CHUK: variants seen among roughly 807,000 people sequenced by gnomAD.
CHUK encodes the protein component of inhibitor of nuclear factor kappa B kinase complex.
A neutral mutation model predicts 104.8 loss-of-function variants in CHUK; 35 were observed. The ratio of observed to expected loss-of-function variants is 0.33; its 90% CI spans 0.26 to 0.44. The LOEUF (loss-of-function observed/expected upper bound fraction) is 0.44, where lower values mean the gene tolerates loss of function less well. CHUK is among the 20% of genes least tolerant of loss of function. The pLI, the probability that CHUK is intolerant of heterozygous loss-of-function variation, is 1.00. For synonymous variants in CHUK, 276 were observed against 291.9 expected (o/e 0.95, Z 0.56); for missense variants, 663 against 902.7 (o/e 0.73, Z 3.40).
At chr10:100,199,925 A>G (rs994950338) in intron 16 of CHUK, 46 bp downstream of exon 16, 2 of 1,332,590 alleles carry the variant, frequency 1.5e-6, no homozygotes, top group African/African-American at 1.4e-5. Context: ...TAGGCTAGTG[A>G]TAGTTACCTA....
intron 9 of CHUK, among the ~76,000 whole-genome samples, chr10:100,213,130 A>G (rs1845768178): frequency 6.6e-6 from 1 of 152,136 alleles, no homozygotes; most frequent in Admixed American, 6.6e-5. Context: ...ATCACTACAC[A>G]GTGCATGTAT....
At chr10:100,190,020 C>CTT (rs10549639) in intron 20 of CHUK, 59 of 136,652 alleles carry the variant, frequency 4.3e-4, no homozygotes, top group South Asian at 1.9e-3. Flanking sequence ...CACCATTATC[C>CTT]TTTTTTTTTT....
At chr10:100,204,759 C>A in intron 12 of CHUK, 102 bp from the exon 13 acceptor site, 1 of 965,182 alleles carries the variant, frequency 1.0e-6, no homozygotes, top group Admixed American at 2.4e-5. Flanking sequence ...AAGGCCAAAG[C>A]CTAAGTTTCT....
chr10:100,215,446 GA>G (rs1368318267), intron 9 of CHUK, among the ~76,000 whole-genome samples: 1 of 151,604 alleles, frequency 6.6e-6, no homozygotes, highest in African/African-American at 2.4e-5. Flanking sequence ...CCTAATAAAA[GA>G]AAGGAAATGT....
At chr10:100,224,697 A>T (rs938207280) in intron 2 of CHUK, among the ~76,000 whole-genome samples, 1 of 152,062 alleles carries the variant, frequency 6.6e-6, no homozygotes, top group African/African-American at 2.4e-5. Flanking sequence ...TTGGCCTCCC[A>T]AAGTGCTGGG....
intron 19 of CHUK, among the ~76,000 whole-genome samples, chr10:100,191,287 A>C (rs1042512784): frequency 2.0e-5 from 3 of 152,250 alleles, no homozygotes; most frequent in Non-Finnish European, 4.4e-5. Flanking sequence ...GGGAGGAAAA[A>C]ATCCTTGTGG....
chr10:100,207,956 C>G (rs886183727), intron 10 of CHUK, among the ~76,000 whole-genome samples: 1 of 151,970 alleles, frequency 6.6e-6, no homozygotes, highest in African/African-American at 2.4e-5. Context: ...TGGGAACTAA[C>G]ATGATAATAT....
chr10:100,194,184 C>A, intron 17 of CHUK, 53 bp from the exon 18 acceptor site: 2 of 1,594,062 alleles, frequency 1.3e-6, no homozygotes, highest in Non-Finnish European at 1.7e-6. Flanking sequence ...AGACTGTACA[C>A]CATATTCCCA....
chr10:100,206,404 C>T (rs768910395), intron 11 of CHUK, among the ~76,000 whole-genome samples: 20 of 151,564 alleles, frequency 1.3e-4, no homozygotes, highest in Non-Finnish European at 1.9e-4. Flanking sequence ...AAACTACATG[C>T]GTGAGTGAGG....
In CHUK at chr10:100,199,984, T is replaced by C; in HGVS notation, c.1716A>G (p.Lys572=). 1 of 1,612,456 alleles carries C rather than the reference T, an allele frequency of 6.2e-7. No individual in the cohort carries two copies. Among genetic ancestry groups the C allele is most frequent in the African/African-American group, 1.3e-5 (1 of 74,988 alleles). Residue 572 remains lysine (K), a synonymous_variant, in exon 16 of 21, where the codon AAA becomes AAG. Transcript: ENST00000370397. ...GAAGTGTCTTACCTGAAGGTCTGTG[T>C]TTTAACTGCTTATATAGATCAATGG... is the stretch of plus-strand genomic sequence containing the variant. ...QRAIDLYKQL[K]HRPSDHSYSD...
chr10:100,188,560 T>C lies in CHUK; in HGVS notation c.*1038A>G, dbSNP rs1267489765. ...GATTTTAGAAAAGTAGTTTTGTGCA[T>C]ATACCATACTACATTAACCAGCCCT... is the stretch of plus-strand genomic sequence containing the variant. On this transcript the variant is annotated 3_prime_UTR_variant, in exon 21 of 21. Transcript: ENST00000370397. 5.2e-5 allele frequency: 8 copies of C among 152,748 alleles called. No homozygotes were observed. The East Asian group carries it at 1.3e-3, about 26-fold the overall frequency. 9.5% of individuals were successfully genotyped at this position (152,748 alleles called of 1,614,324 possible). A position where few individuals can be genotyped will look rare whatever the true frequency, so the allele number is the denominator to read the frequency against.
intron 9 of CHUK, among the ~76,000 whole-genome samples, chr10:100,213,585 G>T (rs367959762): frequency 1.3e-5 from 2 of 152,118 alleles, no homozygotes. Context: ...GCAGTGGTGC[G>T]ATCTTGGTTC....
At chr10:100,190,265 C>T (rs2134203093) in intron 20 of CHUK, 1 of 157,146 alleles carries the variant, frequency 6.4e-6, no homozygotes, top group East Asian at 1.9e-4. Flanking sequence ...AAGCAATCCA[C>T]CTGCCTTGGC....
At chr10:100,206,183 A>C (rs1845586870) in intron 11 of CHUK, among the ~76,000 whole-genome samples, 1 of 152,200 alleles carries the variant, frequency 6.6e-6, no homozygotes, top group African/African-American at 2.4e-5. Flanking sequence ...TATGGGCTTC[A>C]ATTAATAATA....
At chr10:100,227,752 A>G (rs1461677095) in intron 1 of CHUK, among the ~76,000 whole-genome samples, 5 of 152,048 alleles carry the variant, frequency 3.3e-5, no homozygotes, top group African/African-American at 1.2e-4. Context: ...TAATTACCCT[A>G]AATATGCCTA....
intron 11 of CHUK, 130 bp from the exon 12 acceptor site, chr10:100,205,329 C>T (rs1396946615): frequency 1.1e-6 from 1 of 945,436 alleles, no homozygotes; most frequent in Non-Finnish European, 1.7e-6. Context: ...GAAACTGATG[C>T]TAAAAGAACC....
At chr10:100,229,197 T>C (rs974814938) in intron 1 of CHUK, among the ~76,000 whole-genome samples, 1 of 152,018 alleles carries the variant, frequency 6.6e-6, no homozygotes, top group Admixed American at 6.5e-5. Flanking sequence ...CTGACAGTCA[T>C]ACCCAAGTTC....
At position 100,204,491 on chromosome 10, in the gene CHUK, TAC is replaced by T. The variant is rs764194568; in HGVS notation, c.1507+13_1507+14del. On this transcript the variant is annotated intron_variant, in intron 13 of 20. Coordinates refer to ENST00000370397, the MANE Select transcript of CHUK (RefSeq NM_001278.5). Reference sequence around the variant, plus strand: ...AACCAGATGCTCCTTTCAAATACATTACACAGACACTTACATATCCCATACGT... The same window carrying T: ...AACCAGATGCTCCTTTCAAATACATTACAGACACTTACATATCCCATACGT... 5 of 1,610,026 alleles carry T rather than the reference TAC, an allele frequency of 3.1e-6. No homozygotes were observed. In the African/African-American group the frequency reaches 5.3e-5, roughly 17 times the overall value.
chr10:100,197,507 T>TA (rs1171693930), intron 16 of CHUK, among the ~76,000 whole-genome samples: 1 of 152,030 alleles, frequency 6.6e-6, no homozygotes, highest in East Asian at 1.9e-4. Context: ...TTTCAGGAAT[T>TA]AAACAGAAAT....
Sources: allele counts gnomAD v4.1 joint callset (sites outside exome capture counted in the v4.1 genomes callset), GRCh38; gene constraint gnomAD v4.1.1; transcripts MANE v1.5; gene names NCBI Gene and HGNC (gene_info 2026-07-23, HGNC 2026-07-21).